Variants in CARMIL2 observed in about 807,000 individuals in gnomAD.
The protein encoded by CARMIL2 is capping protein regulator and myosin 1 linker 2.
In CARMIL2, 96 loss-of-function variants were observed where a neutral mutation model predicts 173.3. The ratio of observed to expected loss-of-function variants is 0.55; its 90% CI spans 0.47 to 0.66. The LOEUF (loss-of-function observed/expected upper bound fraction) is 0.66. CARMIL2 is among the 30% of genes least tolerant of loss of function. CARMIL2 has a pLI of 0.00. For synonymous variants in CARMIL2, 830 were observed against 817.1 expected, an observed-to-expected ratio of 1.02 and a Z score of -0.27; for missense variants, 1,771 against 1,906.7, an observed-to-expected ratio of 0.93 and a Z score of 1.33.
Position 67,649,728 on chromosome 16 carries a change from C to G in CARMIL2, c.1920-78C>G. The G allele has an allele frequency of 6.4e-6, 10 of 1,570,760 alleles. No individual in the cohort carries two copies. Among genetic ancestry groups the G allele is most frequent in the South Asian group, 5.9e-5 (5 of 85,014 alleles). On this transcript the variant is annotated intron_variant, in intron 20 of 37. Transcript: ENST00000334583. This position sits in a 1 kb window ranked among gnomAD's most constrained non-coding sequence, Gnocchi z 6.7. ...AGGCGGAGCAAATGGAGCAGGCTGA[C>G]GAGGCGAATGGACTAGGCCGAGGGT...
rs1421342015 is a variant in CARMIL2, at chr16:67,651,490, C to T, written c.2403C>T (p.Gly801=). Residue 801 remains glycine, a synonymous_variant, in exon 24 of 38, where the codon GGC becomes GGT. Coordinates refer to ENST00000334583, the MANE Select transcript of CARMIL2 (RefSeq NM_001013838.3). The surrounding 1 kb of genome is among the most constrained non-coding windows in gnomAD (Gnocchi z 4.2). The part of the protein sequence containing the change: ...QKLEGLLRQV[G]EVCRQDIQDF... Reference sequence around the variant, plus strand: ...TGGAGGGCCTTCTGAGACAGGTGGGCGAGGTCTGCCGCCAGGACATCCAGG... The same window carrying T: ...TGGAGGGCCTTCTGAGACAGGTGGGTGAGGTCTGCCGCCAGGACATCCAGG... The T allele has an allele frequency of 4.4e-6, 7 of 1,593,426 alleles. No individual in the cohort carries two copies. Among genetic ancestry groups the T allele is most frequent in the African/African-American group, 2.7e-5 (2 of 74,610 alleles).
rs1368187867 is a variant in CARMIL2, at chr16:67,648,082, G to C, written c.1102G>C (p.Val368Leu). Residue 368 changes from valine to leucine, a missense_variant, in exon 14 of 38, where the codon GTA (valine) becomes CTA (leucine). Physicochemically the swap from Val to Leu is conservative, Grantham distance 32. Coordinates refer to ENST00000334583, the MANE Select transcript of CARMIL2 (RefSeq NM_001013838.3). The surrounding 1 kb of genome is among the most constrained non-coding windows in gnomAD (Gnocchi z 6.1). ...GLYSFLSRPN[V>L]LSFLNLAGTD... ...CTATAGCTTCCTGAGCCGTCCTAAC[G>C]TACTGTCGTTCCTGAATCTCGCAGG... 6.2e-7 allele frequency: 1 copy of C among 1,612,694 alleles called. No individual in the cohort carries two copies. The highest frequency in any genetic ancestry group is 2.2e-5 in the East Asian group (1 of 44,850).
chr16:67,647,661 G>A lies in CARMIL2; in HGVS notation c.872-19G>A, dbSNP rs1279566016. Reference sequence around the variant, plus strand: ...AGCAGGAGGAGGTGAGACCCACGTGGCTGTTCCCACCCCCCAAGGCATGAC... The same window carrying A: ...AGCAGGAGGAGGTGAGACCCACGTGACTGTTCCCACCCCCCAAGGCATGAC... On this transcript the variant is annotated intron_variant, in intron 11 of 37. Coordinates refer to ENST00000334583, the MANE Select transcript of CARMIL2 (RefSeq NM_001013838.3). 9 of 1,599,598 alleles carry A rather than the reference G, an allele frequency of 5.6e-6. No homozygotes were observed. Among genetic ancestry groups the A allele is most frequent in the Non-Finnish European group, 7.7e-6 (9 of 1,174,042 alleles).
At chr16:67,655,636 G>A (rs2052829909) in intron 32 of CARMIL2, among the ~76,000 whole-genome samples, 1 of 152,016 alleles carries the variant, frequency 6.6e-6, no homozygotes, top group Non-Finnish European at 1.5e-5. Context: ...TGGTCTGGAT[G>A]TCCTCCCTGC....
rs930412832 is a variant in CARMIL2 at position 67,653,924 on chromosome 16, CGGGTGTGGACT to C, written c.3121-217_3121-207del. Among the ~76,000 whole-genome samples, 1 of 151,906 alleles carries C rather than the reference CGGGTGTGGACT, an allele frequency of 6.6e-6. No homozygotes were observed. Among genetic ancestry groups the C allele is most frequent in the African/African-American group, 2.4e-5 (1 of 41,352 alleles). ...TGTAGGATACTCTGTGGGACAAGGA[CGGGTGTGGACT>C]GGGTGTGCGGGAGCCAGCAGCGAGT... On this transcript the variant is annotated intron_variant, in intron 29 of 37. Coordinates refer to ENST00000334583, the MANE Select transcript of CARMIL2 (RefSeq NM_001013838.3). The surrounding 1 kb of genome is among the most constrained non-coding windows in gnomAD (Gnocchi z 7.4).
Position 67,652,556 on chromosome 16 carries a change from G to A in CARMIL2, c.2884+18G>A. 2 of 1,612,332 alleles carry A rather than the reference G, an allele frequency of 1.2e-6. No homozygotes were observed. The highest frequency in any genetic ancestry group is 1.7e-6 in the Non-Finnish European group (2 of 1,179,096). On this transcript the variant is annotated intron_variant, in intron 28 of 37. Coordinates refer to ENST00000334583, the MANE Select transcript of CARMIL2 (RefSeq NM_001013838.3). The surrounding 1 kb of genome is among the most constrained non-coding windows in gnomAD (Gnocchi z 4.7). ...CATTCACAGTAAGTCAGGGCCTTGG[G>A]GGAGGGAGTTTACGTGGGTGGGCTG...
chr16:67,648,784 C>T lies in CARMIL2; in HGVS notation c.1509+30C>T, dbSNP rs969277374. 1 of 1,585,014 alleles carries T rather than the reference C, an allele frequency of 6.3e-7. No homozygotes were observed. The highest frequency in any genetic ancestry group is 8.6e-7 in the Non-Finnish European group (1 of 1,166,168). On this transcript the variant is annotated intron_variant, in intron 16 of 37. Coordinates refer to ENST00000334583, the MANE Select transcript of CARMIL2 (RefSeq NM_001013838.3). This position sits in a 1 kb window ranked among gnomAD's most constrained non-coding sequence, Gnocchi z 6.1. ...GCGCCGGCCCCCAGAAGAGACCACA[C>T]ATTGGGAGAGGCGCTGGGAGGCGGA... is the stretch of plus-strand genomic sequence containing the variant.
At position 67,646,230 on chromosome 16, in the gene CARMIL2, T is replaced by C. The variant is rs773287070; in HGVS notation, c.294T>C (p.Phe98=). 10 of 1,613,678 alleles carry C rather than the reference T, an allele frequency of 6.2e-6. No homozygotes were observed. Among genetic ancestry groups the C allele is most frequent in the Non-Finnish European group, 8.5e-6 (10 of 1,179,878 alleles). ...LESLRELVLE[F]PGVAALEQLA... ...CCCTGCGTGAGCTGGTCCTGGAGTT[T>C]CCTGGTGTGGCCGCCCTGGAACAGC... Residue 98 remains phenylalanine (F), a synonymous_variant, in exon 5 of 38, where the codon TTT becomes TTC. Transcript: ENST00000334583. The surrounding 1 kb of genome is among the most constrained non-coding windows in gnomAD (Gnocchi z 4.6).
chr16:67,654,879 T>G lies in CARMIL2; in HGVS notation c.3684T>G (p.Gly1228=), dbSNP rs1425468988. 7 of 1,613,248 alleles carry G rather than the reference T, an allele frequency of 4.3e-6. 2 individuals are homozygous for G. In the South Asian group the frequency reaches 6.6e-5, roughly 15 times the overall value. ...TAGGCGTCAGCCGAGGCAGCGGGGG[T>G]GCCGAAGGCAAGAGGAAGCAAGTGA... ...QRIGVSRGSG[G]AEGKRKQSKD... Residue 1228 remains glycine, a synonymous_variant, in exon 32 of 38, where the codon GGT becomes GGG. Coordinates refer to ENST00000334583, the MANE Select transcript of CARMIL2 (RefSeq NM_001013838.3).
intron 9 of CARMIL2, 22 bp from the exon 10 acceptor site, chr16:67,647,277 G>GC (rs2052611782): frequency 6.2e-7 from 1 of 1,609,940 alleles, no homozygotes; most frequent in Non-Finnish European, 8.5e-7. Context: ...CAGCCCGTGA[G>GC]CCGCCGCCCT....
chr16:67,649,569 C>T lies in CARMIL2; in HGVS notation c.1869C>T (p.Asp623=). 1 of 1,601,680 alleles carries T rather than the reference C, an allele frequency of 6.2e-7. No homozygotes were observed. The highest frequency in any genetic ancestry group is 1.3e-5 in the African/African-American group (1 of 74,998). The change falls in exon 20 of 38, where the codon GAC becomes GAT. Residue 623 remains aspartate (D), a synonymous_variant. Coordinates refer to ENST00000334583, the MANE Select transcript of CARMIL2 (RefSeq NM_001013838.3). This position sits in a 1 kb window ranked among gnomAD's most constrained non-coding sequence, Gnocchi z 6.7. ...ATATCAGCGGCAACGCCATGGGGGA[C>T]GCGGGCGCCAAGTTGCTGGCCAAGG... is the stretch of plus-strand genomic sequence containing the variant. ...ALDISGNAMG[D]AGAKLLAKAL... is the part of the protein sequence containing the mutation.
chr16:67,645,338 CA>C, intron 1 of CARMIL2, 52 bp downstream of exon 1: 1 of 1,561,816 alleles, frequency 6.4e-7, no homozygotes, highest in Non-Finnish European at 8.7e-7. Context: ...AGTGCAGCCC[CA>C]AAATCAGAGG....
At chr16:67,645,375 G>C in intron 1 of CARMIL2, 89 bp downstream of exon 1, 2 of 1,447,512 alleles carry the variant, frequency 1.4e-6, no homozygotes, top group South Asian at 2.4e-5. Context: ...AGAGGGCCTG[G>C]TCAGAGGTCC....
Position 67,651,150 on chromosome 16 carries a change from G to C in CARMIL2, c.2185-37G>C. 3.8e-6 allele frequency: 6 copies of C among 1,595,568 alleles called. No individual in the cohort carries two copies. Among genetic ancestry groups the C allele is most frequent in the African/African-American group, 1.3e-5 (1 of 74,664 alleles). Reference sequence around the variant, plus strand: ...GCAGGCAGGATCTGGGAGACTGGGAGGGGGCTAGGCTGAGACTGATCCCCA... The same window carrying C: ...GCAGGCAGGATCTGGGAGACTGGGACGGGGCTAGGCTGAGACTGATCCCCA... On this transcript the variant is annotated intron_variant, in intron 22 of 37. Coordinates refer to ENST00000334583, the MANE Select transcript of CARMIL2 (RefSeq NM_001013838.3). The surrounding 1 kb of genome is among the most constrained non-coding windows in gnomAD (Gnocchi z 4.2).
Position 67,648,076 on chromosome 16 carries a change from C to T in CARMIL2, c.1096C>T (p.Pro366Ser). 6.2e-7 allele frequency: 1 copy of T among 1,612,774 alleles called. No homozygotes were observed. Among genetic ancestry groups the T allele is most frequent in the Non-Finnish European group, 8.5e-7 (1 of 1,179,482 alleles). The change falls in exon 14 of 38, where the codon CCT becomes TCT. Residue 366 changes from proline (P) to serine (S), a missense_variant. This residue lies in a region of CARMIL2 where 944 missense variants were observed against 975.6 expected (regional missense o/e 0.97). Coordinates refer to ENST00000334583, the MANE Select transcript of CARMIL2 (RefSeq NM_001013838.3). The surrounding 1 kb of genome is among the most constrained non-coding windows in gnomAD (Gnocchi z 6.1). ...GGGCCTCTATAGCTTCCTGAGCCGT[C>T]CTAACGTACTGTCGTTCCTGAATCT... ...SGGLYSFLSR[P>S]NVLSFLNLAG...
In CARMIL2 at chr16:67,657,323, G is replaced by A. The variant is rs769295416; in HGVS notation, c.4195+7G>A. ...CCTCCATCCCCAAGCCTAGGTAAGA[G>A]GGGGTCCAGGCCAGCTGGGAGGGTG... On this transcript the variant is annotated splice_region_variant and intron_variant, in intron 37 of 37. Transcript: ENST00000334583. This position sits in a 1 kb window ranked among gnomAD's most constrained non-coding sequence, Gnocchi z 4.5. The A allele has an allele frequency of 1.2e-5, 19 of 1,613,324 alleles. No homozygotes were observed. The highest frequency in any genetic ancestry group is 7.7e-5 in the South Asian group (7 of 90,988).
At chr16:67,650,257 G>T (rs1451942006) in intron 22 of CARMIL2, 107 bp downstream of exon 22, 1 of 881,500 alleles carries the variant, frequency 1.1e-6, no homozygotes, top group South Asian at 1.5e-5. Flanking sequence ...CAGGGTGCCT[G>T]AGCCCTGCTG....
rs1431572288 is a variant in CARMIL2 at position 67,657,546 on chromosome 16, A to G, written c.*28A>G. The G allele has an allele frequency of 6.2e-7, 1 of 1,613,794 alleles. No homozygotes were observed. Among genetic ancestry groups the G allele is most frequent in the Non-Finnish European group, 8.5e-7 (1 of 1,179,768 alleles). ...CTCTCCTCTCCTGCCGCATGAGATT[A>G]TTTTATTAAAAAACTCAAAGGAAGC... is the stretch of plus-strand genomic sequence containing the variant. On this transcript the variant is annotated 3_prime_UTR_variant, in exon 38 of 38. Transcript: ENST00000334583. This position sits in a 1 kb window ranked among gnomAD's most constrained non-coding sequence, Gnocchi z 4.5.
rs3180377 is a variant in CARMIL2 at position 67,657,533 on chromosome 16, G to A, written c.*15G>A. 2.5e-6 allele frequency: 4 copies of A among 1,613,638 alleles called. 1 individual carries two copies. The Middle Eastern group carries it at 4.9e-4, about 200-fold the overall frequency. ...CCAATCCCTGATCCTCTCCTCTCCT[G>A]CCGCATGAGATTATTTTATTAAAAA... On this transcript the variant is annotated 3_prime_UTR_variant, in exon 38 of 38. Coordinates refer to ENST00000334583, the MANE Select transcript of CARMIL2 (RefSeq NM_001013838.3). This position sits in a 1 kb window ranked among gnomAD's most constrained non-coding sequence, Gnocchi z 4.5.
Sources: allele counts gnomAD v4.1 joint callset (sites outside exome capture counted in the v4.1 genomes callset), GRCh38; gene constraint gnomAD v4.1.1; regional missense constraint gnomAD v4.1.1; non-coding constraint Gnocchi (gnomAD v3.1); transcripts MANE v1.5; gene names NCBI Gene and HGNC (gene_info 2026-07-23, HGNC 2026-07-21).